PTPN3: variants seen among roughly 807,000 people sequenced by gnomAD.
PTPN3 encodes the protein tyrosine-protein phosphatase non-receptor type 3.
A neutral mutation model predicts 132.7 loss-of-function variants in PTPN3; 96 were observed. The observed-to-expected ratio is 0.72, with a 90% CI of 0.61 to 0.86. The LOEUF (loss-of-function observed/expected upper bound fraction) is 0.86, where lower values mean the gene tolerates loss of function less well. Among genes scored for constraint, PTPN3 ranks in the 40% least tolerant of loss-of-function variants. The pLI, the probability that PTPN3 is intolerant of heterozygous loss-of-function variation, is 0.00. For missense variants in PTPN3, 1,125 were observed against 1,159.6 expected (o/e 0.97, Z 0.43); for synonymous variants, 398 against 429.0 (o/e 0.93, Z 0.89).
At chr9:109,533,530 T>A in the PTPN3 span, 1 of 1,600,186 alleles carries the variant, frequency 6.2e-7, no homozygotes, top group Non-Finnish European at 8.5e-7. Context: ...TCTCACCTCG[T>A]TGATTTTCTT....
chr9:109,478,942 C>T (rs1846824401), intron 1 of PTPN3, among the ~76,000 whole-genome samples: 1 of 152,130 alleles, frequency 6.6e-6, no homozygotes. Context: ...GCTCCTCCCA[C>T]TACCTCTTCT....
At chr9:109,487,149 C>T (rs1847252542) in intron 1 of PTPN3, among the ~76,000 whole-genome samples, 1 of 152,168 alleles carries the variant, frequency 6.6e-6, no homozygotes, top group African/African-American at 2.4e-5. Context: ...AAAAGGCCTG[C>T]AGGACAGTAA....
intron 18 of PTPN3, 58 bp downstream of exon 18, chr9:109,406,404 C>T: frequency 1.3e-6 from 2 of 1,560,486 alleles, no homozygotes; most frequent in South Asian, 1.2e-5. Context: ...AGGGCTGGAG[C>T]AGGCGCAGCT....
chr9:109,438,170 T>C lies in PTPN3; in HGVS notation c.531A>G (p.Ile177Met). 1 of 1,613,754 alleles carries C rather than the reference T, an allele frequency of 6.2e-7. No homozygotes were observed. The highest frequency in any genetic ancestry group is 8.5e-7 in the Non-Finnish European group (1 of 1,179,752). Residue 177 changes from isoleucine (I) to methionine (M), a missense_variant, in exon 8 of 26, where the codon ATA becomes ATG. By Grantham distance (10) the Ile-to-Met change is conservative. Transcript: ENST00000374541. ...TTAAAAAGTCCTCATTTTGATCGGG[T>C]ATAAAGTGACTATCGGAAAGATAGC... Reference protein sequence around the residue: ...HPGYLSDSHFIPDQNEDFLTK... With the variant: ...HPGYLSDSHFMPDQNEDFLTK...
At chr9:109,538,095 A>G in the PTPN3 span, among the ~76,000 whole-genome samples, 1 of 152,260 alleles carries the variant, frequency 6.6e-6, no homozygotes, top group Non-Finnish European at 1.5e-5. Flanking sequence ...CTGTTATAAC[A>G]TAGAAAGGAA....
intron 19 of PTPN3, 91 bp downstream of exon 19, chr9:109,404,357 T>C: frequency 2.1e-6 from 2 of 971,534 alleles, no homozygotes; most frequent in Middle Eastern, 3.7e-4. Flanking sequence ...AACAAGGGCT[T>C]GTGTCTCTGC....
intron 1 of PTPN3, among the ~76,000 whole-genome samples, chr9:109,471,554 A>AAT (rs1263263721): frequency 6.6e-6 from 1 of 152,190 alleles, no homozygotes; most frequent in Middle Eastern, 3.2e-3. Context: ...GCACTTATCT[A>AAT]ATATCCAGTC....
In PTPN3 at chr9:109,457,350, C is replaced by T. The variant is rs1014250582; in HGVS notation, c.188G>A (p.Gly63Asp). 4.3e-6 allele frequency: 7 copies of T among 1,614,050 alleles called. No individual in the cohort carries two copies. The highest frequency in any genetic ancestry group is 5.9e-6 in the Non-Finnish European group (7 of 1,180,046). ...ACCAAAATATTCCTTTTCAGTCACA[C>T]CCAGGTGGTTGTGCACCATATCCAG... is the stretch of plus-strand genomic sequence containing the variant. ...VLLDMVHNHL[G>D]VTEKEYFGLQ... The change falls in exon 3 of 26, where the codon GGT (glycine) becomes GAT (aspartate). Residue 63 changes from glycine (G) to aspartate (D), a missense_variant. Coordinates refer to ENST00000374541, the MANE Select transcript of PTPN3 (RefSeq NM_002829.4).
chr9:109,485,493 G>A (rs1395330317), intron 1 of PTPN3, among the ~76,000 whole-genome samples: 1 of 152,106 alleles, frequency 6.6e-6, no homozygotes, highest in African/African-American at 2.4e-5. Flanking sequence ...GGGCAACAGA[G>A]AGAGACTACG....
chr9:109,414,210 T>C (rs151251323), intron 14 of PTPN3, among the ~76,000 whole-genome samples: 82 of 152,350 alleles, frequency 5.4e-4, no homozygotes, highest in African/African-American at 1.9e-3. Context: ...GAAGCTCAGG[T>C]GCAAAGTGAA....
At chr9:109,425,831 T>C (rs1843224773) in intron 12 of PTPN3, among the ~76,000 whole-genome samples, 1 of 151,922 alleles carries the variant, frequency 6.6e-6, no homozygotes. Flanking sequence ...TGGCCAACCA[T>C]GGTGAAACCC....
At chr9:109,526,533 A>C in the PTPN3 span, among the ~76,000 whole-genome samples, 59,146 of 151,732 alleles carry the variant, frequency 0.39, 11,962 homozygotes, top group East Asian at 0.63. Flanking sequence ...AAATTAGCCG[A>C]CCATAGTGGC....
intron 1 of PTPN3, among the ~76,000 whole-genome samples, chr9:109,467,140 G>A (rs895931367): frequency 2.0e-5 from 3 of 152,134 alleles, no homozygotes; most frequent in Non-Finnish European, 4.4e-5. Flanking sequence ...AAGCAGGGAT[G>A]CATTTTCTGA....
chr9:109,391,877 G>GT lies in PTPN3; in HGVS notation c.1954-317_1954-316insA, dbSNP rs998934679. On this transcript the variant is annotated intron_variant, in intron 19 of 25. Coordinates refer to ENST00000374541, the MANE Select transcript of PTPN3 (RefSeq NM_002829.4). ...GCTAAAAGCAACTAGATGTGGGGGG[G>GT]GGGGGGAAGAATTCTGGCTCAAAAT... 1.4e-4 allele frequency among the ~76,000 whole-genome samples: 14 copies of GT among 101,066 alleles called. 1 individual carries two copies. The highest frequency in any genetic ancestry group is 6.2e-4 in the Admixed American group (6 of 9,736). The allele number at this position is 101,066 out of a possible 152,430, so 66.3% of individuals were successfully genotyped here.
intron 1 of PTPN3, among the ~76,000 whole-genome samples, chr9:109,486,082 G>C (rs1195591743): frequency 6.6e-6 from 1 of 152,204 alleles, no homozygotes; most frequent in African/African-American, 2.4e-5. Context: ...GTGAAACACA[G>C]ATCTCCCCTA....
chr9:109,469,180 G>C (rs1002051537), intron 1 of PTPN3, among the ~76,000 whole-genome samples: 2 of 152,182 alleles, frequency 1.3e-5, no homozygotes, highest in South Asian at 2.1e-4. Context: ...GACAACGAAA[G>C]GGTAATGCCG....
At chr9:109,471,599 C>T (rs1320811190) in intron 1 of PTPN3, among the ~76,000 whole-genome samples, 2 of 152,124 alleles carry the variant, frequency 1.3e-5, no homozygotes, top group African/African-American at 2.4e-5. Flanking sequence ...CCAAAGATGT[C>T]CTTTATTTAT....
chr9:109,491,808 C>G (rs1333527915), intron 1 of PTPN3, among the ~76,000 whole-genome samples: 1 of 152,166 alleles, frequency 6.6e-6, no homozygotes, highest in Non-Finnish European at 1.5e-5. Context: ...CTTGCAGTCC[C>G]TGCAGCAGGA....
intron 14 of PTPN3, among the ~76,000 whole-genome samples, chr9:109,412,889 A>G (rs1171815372): frequency 6.6e-6 from 1 of 151,786 alleles, no homozygotes; most frequent in East Asian, 1.9e-4. Context: ...TACTACTATT[A>G]CTATTGCTGC....
Sources: allele counts gnomAD v4.1 joint callset (sites outside exome capture counted in the v4.1 genomes callset), GRCh38; gene constraint gnomAD v4.1.1; transcripts MANE v1.5; gene names NCBI Gene and HGNC (gene_info 2026-07-23, HGNC 2026-07-21).